The following CDC42BPA variants were observed in gnomAD, a reference collection of about 807,000 sequenced individuals.
CDC42BPA encodes CDC42 binding protein kinase alpha.
A neutral mutation model predicts 223.5 loss-of-function variants in CDC42BPA; 80 were observed. That is an observed-to-expected ratio of 0.36 (90% CI 0.30 to 0.43). CDC42BPA has a LOEUF of 0.43. CDC42BPA is among the 20% of genes least tolerant of loss of function. The pLI is 1.00. For synonymous variants in CDC42BPA, 694 were observed against 718.6 expected (o/e 0.97, Z 0.55); for missense variants, 1,743 against 2,099.9 (o/e 0.83, Z 3.32).
At position 226,995,002 on chromosome 1, in the gene CDC42BPA, A is replaced by G. The variant is rs775288553; in HGVS notation, c.4976-22T>C. 3.7e-6 allele frequency: 6 copies of G among 1,604,576 alleles called. No homozygotes were observed. The South Asian group carries it at 6.7e-5, about 18-fold the overall frequency. On this transcript the variant is annotated intron_variant, in intron 35 of 36. Coordinates refer to ENST00000366766, the MANE Select transcript of CDC42BPA (RefSeq NM_001394014.1). ...GACCCTACAGTACATCATGCAGGCA[A>G]AATTTTACATATGCAGAGGGGACAA...
At chr1:227,083,596 T>G (rs953973321) in intron 16 of CDC42BPA, among the ~76,000 whole-genome samples, 1 of 152,214 alleles carries the variant, frequency 6.6e-6, no homozygotes, top group East Asian at 1.9e-4. Flanking sequence ...AATGATTTGG[T>G]TGTGTTTGCT....
At chr1:227,096,940 C>T (rs1008572842) in intron 15 of CDC42BPA, among the ~76,000 whole-genome samples, 3 of 152,126 alleles carry the variant, frequency 2.0e-5, no homozygotes, top group Non-Finnish European at 4.4e-5. Context: ...ATGCCCAACT[C>T]AACAAGAGAG....
chr1:227,230,816 CTTTCTTTT>C (rs1291684182), intron 2 of CDC42BPA, among the ~76,000 whole-genome samples: 7 of 54,064 alleles, frequency 1.3e-4, no homozygotes, highest in Non-Finnish European at 2.7e-4. Flanking sequence ...TTTTTTCTTT[CTTTCTTTT>C]TTTTTTTTTT....
At chr1:227,283,161 CT>C (rs1411315996) in intron 1 of CDC42BPA, among the ~76,000 whole-genome samples, 1 of 152,090 alleles carries the variant, frequency 6.6e-6, no homozygotes, top group Non-Finnish European at 1.5e-5. Flanking sequence ...AGGACCATGA[CT>C]TAAAATACAC....
At chr1:227,046,801 A>G (rs1241294427) in intron 23 of CDC42BPA, among the ~76,000 whole-genome samples, 1 of 152,084 alleles carries the variant, frequency 6.6e-6, no homozygotes, top group Non-Finnish European at 1.5e-5. Context: ...TGTGGCCTTC[A>G]TTTTTGGAGT....
In CDC42BPA at chr1:227,286,293, G is replaced by T. The variant is rs149390888; in HGVS notation, c.178+30712C>A. Among the ~76,000 whole-genome samples, 290 of 152,288 alleles carry T rather than the reference G, an allele frequency of 1.9e-3. 2 individuals carry two copies. The highest frequency in any genetic ancestry group is 6.6e-3 in the African/African-American group (273 of 41,556). The stretch of plus-strand genomic sequence containing the variant: ...AGAAGCAGTCATATCATTCTCGAAT[G>T]CTTTGGTGCTTAGAAATTTCTTCTG... On this transcript the variant is annotated intron_variant, in intron 1 of 36. Transcript: ENST00000366766.
At chr1:227,129,666 C>CAAAAAAAAAAAAAAAAAAAAAAAAA (rs569879499) in intron 10 of CDC42BPA, among the ~76,000 whole-genome samples, 2 of 33,918 alleles carry the variant, frequency 5.9e-5, no homozygotes, top group Non-Finnish European at 9.4e-5. Flanking sequence ...GACTGTATCT[C>CAAAAAAAAAAAAAAAAAAAAAAAAA]AAAAAAAAAA....
chr1:227,244,665 C>G (rs982561669), intron 2 of CDC42BPA, among the ~76,000 whole-genome samples: 5 of 152,172 alleles, frequency 3.3e-5, no homozygotes, highest in Non-Finnish European at 5.9e-5. Flanking sequence ...CATGCTGGAA[C>G]AGCAAATTTT....
intron 14 of CDC42BPA, among the ~76,000 whole-genome samples, chr1:227,104,798 C>A (rs1210077640): frequency 6.6e-6 from 1 of 152,110 alleles, no homozygotes; most frequent in Admixed American, 6.6e-5. Context: ...ATGTATCTTA[C>A]AAGCCAAGCA....
At chr1:227,244,917 G>C (rs995210557) in intron 2 of CDC42BPA, among the ~76,000 whole-genome samples, 4 of 152,216 alleles carry the variant, frequency 2.6e-5, no homozygotes, top group Non-Finnish European at 5.9e-5. Context: ...TCACAGCAGA[G>C]AATGAAGCCC....
At chr1:227,168,277 T>C (rs1665409575) in intron 5 of CDC42BPA, among the ~76,000 whole-genome samples, 1 of 152,160 alleles carries the variant, frequency 6.6e-6, no homozygotes. Context: ...ACATTTATTT[T>C]TGAAGGATAT....
chr1:227,145,977 T>TAC (rs1660635103), intron 7 of CDC42BPA, among the ~76,000 whole-genome samples: 1 of 152,154 alleles, frequency 6.6e-6, no homozygotes, highest in Non-Finnish European at 1.5e-5. Flanking sequence ...GAATACATTG[T>TAC]ACCTTAGATA....
intron 2 of CDC42BPA, among the ~76,000 whole-genome samples, chr1:227,231,785 T>C (rs1461471885): frequency 6.6e-6 from 1 of 152,220 alleles, no homozygotes; most frequent in African/African-American, 2.4e-5. Flanking sequence ...ATGTCTTCTT[T>C]TGAGAAGTGT....
chr1:227,265,190 C>A, intron 1 of CDC42BPA: 1 of 643,892 alleles, frequency 1.6e-6, no homozygotes, highest in Admixed American at 2.3e-5. Flanking sequence ...GCACAAACAC[C>A]AAAGCGTGCT....
intron 21 of CDC42BPA, among the ~76,000 whole-genome samples, chr1:227,060,717 CTTTT>C (rs59728048): frequency 2.1e-5 from 2 of 95,446 alleles, no homozygotes; most frequent in Admixed American, 1.3e-4. Flanking sequence ...TAAATAGGTA[CTTTT>C]TTTTTTTTTT....
intron 5 of CDC42BPA, among the ~76,000 whole-genome samples, chr1:227,189,250 C>T (rs1313025535): frequency 6.6e-6 from 1 of 151,962 alleles, no homozygotes; most frequent in Admixed American, 6.6e-5. Flanking sequence ...AAATTTAGCA[C>T]ACACAAAAGC....
intron 12 of CDC42BPA, among the ~76,000 whole-genome samples, chr1:227,119,245 C>T (rs1688247084): frequency 6.6e-6 from 1 of 152,018 alleles, no homozygotes; most frequent in Admixed American, 6.6e-5. Context: ...ATATTATTTA[C>T]CCTATTGGGC....
chr1:227,056,928 G>A (rs948710915), intron 21 of CDC42BPA, among the ~76,000 whole-genome samples: 1 of 152,120 alleles, frequency 6.6e-6, no homozygotes, highest in African/African-American at 2.4e-5. Flanking sequence ...AATGACTAAA[G>A]GTTGTGACCA....
At chr1:227,262,781 A>C (rs1684309825) in intron 1 of CDC42BPA, among the ~76,000 whole-genome samples, 1 of 152,220 alleles carries the variant, frequency 6.6e-6, no homozygotes, top group Non-Finnish European at 1.5e-5. Context: ...CGGTGTTCTA[A>C]TTACTGGGTG....
Sources: allele counts gnomAD v4.1 joint callset (sites outside exome capture counted in the v4.1 genomes callset), GRCh38; gene constraint gnomAD v4.1.1; transcripts MANE v1.5; gene names NCBI Gene and HGNC (gene_info 2026-07-23, HGNC 2026-07-21).